ZFHX3: variants seen among roughly 807,000 people sequenced by gnomAD.
The protein encoded by ZFHX3 is zinc finger homeobox protein 3.
ZFHX3 carries 42 observed loss-of-function variants against 279.1 expected under a neutral mutation model. The observed-to-expected ratio is 0.15, with a 90% CI of 0.12 to 0.19. The LOEUF (loss-of-function observed/expected upper bound fraction) is 0.19. Among genes scored for constraint, ZFHX3 ranks in the 10% least tolerant of loss-of-function variants. The pLI is 1.00. For missense variants in ZFHX3, 4,981 were observed against 4,754.0 expected (o/e 1.05, Z -1.40); for synonymous variants, 2,293 against 1,957.8 (o/e 1.17, Z -4.52).
intron 3 of ZFHX3, among the ~76,000 whole-genome samples, chr16:73,364,750 C>A (rs16971820): frequency 3.9e-5 from 6 of 152,262 alleles, no homozygotes; most frequent in South Asian, 2.1e-4. Flanking sequence ...AAGCACCCTG[C>A]GACCGTGTGG....
chr16:72,816,091 G>T (rs2036597985), intron 5 of ZFHX3, among the ~76,000 whole-genome samples: 1 of 152,142 alleles, frequency 6.6e-6, no homozygotes, highest in South Asian at 2.1e-4. Context: ...TAGAAAAAAA[G>T]ACTAGAAGAA....
intron 3 of ZFHX3, among the ~76,000 whole-genome samples, chr16:73,362,199 A>G (rs1235662691): frequency 6.6e-6 from 1 of 152,200 alleles, no homozygotes; most frequent in African/African-American, 2.4e-5. Flanking sequence ...GAATATTTGT[A>G]TCTGGGGAGA....
At chr16:73,143,655 T>C in intron 6 of ZFHX3, 1 of 870,708 alleles carries the variant, frequency 1.1e-6, no homozygotes, top group Non-Finnish European at 1.7e-6. Flanking sequence ...TTGGTTTTGT[T>C]TGGTGTCCTT....
intron 3 of ZFHX3, among the ~76,000 whole-genome samples, chr16:73,439,909 C>CAAAAAAAAAAAAAAAAAAAAAAAA (rs71156164): frequency 1.3e-5 from 1 of 75,446 alleles, no homozygotes; most frequent in Non-Finnish European, 2.2e-5. Context: ...GGGAGAGGGA[C>CAAAAAAAAAAAAAAAAAAAAAAAA]AAAAAAAAAA....
rs971886945 is a variant in ZFHX3, at chr16:73,449,814, C to T, written c.-1291+6189G>A. The stretch of plus-strand genomic sequence containing the variant: ...TACTGAAGCATGAAGTTAAAGTAAT[C>T]GATCTAGAAAAAGGTTTTCTCCATT... On this transcript the variant is annotated intron_variant, in intron 3 of 17. Transcript: ENST00000641206. Among the ~76,000 whole-genome samples the T allele has an allele frequency of 5.9e-5, 9 of 152,094 alleles. No individual in the cohort carries two copies. The South Asian group carries it at 1.2e-3, about 21-fold the overall frequency.
At chr16:73,822,013 T>G (rs114311617) in intron 1 of ZFHX3, among the ~76,000 whole-genome samples, 4,755 of 152,234 alleles carry the variant, frequency 0.031, 206 homozygotes, top group African/African-American at 0.11. Flanking sequence ...TTGAGCACAG[T>G]TGAGGCACTG....
intron 5 of ZFHX3, among the ~76,000 whole-genome samples, chr16:73,234,507 A>G (rs2144935086): frequency 6.6e-6 from 1 of 152,330 alleles, no homozygotes; most frequent in African/African-American, 2.4e-5. Flanking sequence ...ATGAAAACAA[A>G]TGATCCTCTT....
chr16:73,607,326 C>T (rs980993686), intron 2 of ZFHX3, among the ~76,000 whole-genome samples: 6 of 152,172 alleles, frequency 3.9e-5, no homozygotes, highest in Non-Finnish European at 7.4e-5. Flanking sequence ...CATGCCCAGC[C>T]GATCTCATTC....
chr16:73,631,991 T>C (rs1258049578), intron 2 of ZFHX3, among the ~76,000 whole-genome samples: 1 of 151,298 alleles, frequency 6.6e-6, no homozygotes, highest in African/African-American at 2.4e-5. Flanking sequence ...ATAAGTAACA[T>C]TTATTTTAAA....
intron 1 of ZFHX3, among the ~76,000 whole-genome samples, chr16:72,999,926 G>A (rs538101484): frequency 2.0e-5 from 3 of 152,292 alleles, no homozygotes; most frequent in African/African-American, 4.8e-5. Flanking sequence ...AGGGCAACCC[G>A]GGGAAAATGG....
intron 3 of ZFHX3, among the ~76,000 whole-genome samples, chr16:72,912,658 T>C (rs999720345): frequency 3.3e-5 from 5 of 152,070 alleles, no homozygotes; most frequent in Admixed American, 1.3e-4. Context: ...TAGGAGCGAA[T>C]GGGGAGCAGG....
At chr16:73,845,235 C>T (rs575390987) in intron 1 of ZFHX3, among the ~76,000 whole-genome samples, 5 of 152,192 alleles carry the variant, frequency 3.3e-5, no homozygotes, top group African/African-American at 1.2e-4. Flanking sequence ...GATTCAGAGG[C>T]GATTTGAGAG....
intron 7 of ZFHX3, among the ~76,000 whole-genome samples, chr16:73,114,462 G>A (rs1567392155): frequency 6.6e-6 from 1 of 151,978 alleles, no homozygotes; most frequent in Non-Finnish European, 1.5e-5. Flanking sequence ...GATCACTTGA[G>A]GCCAGGAGTT....
chr16:73,409,226 G>C (rs1328980000), intron 3 of ZFHX3, among the ~76,000 whole-genome samples: 1 of 152,168 alleles, frequency 6.6e-6, no homozygotes. Flanking sequence ...ACCTTTAAAA[G>C]CTTAGGGTTC....
intron 8 of ZFHX3, among the ~76,000 whole-genome samples, chr16:73,091,250 A>T (rs1219092940): frequency 2.7e-5 from 4 of 150,226 alleles, no homozygotes; most frequent in African/African-American, 9.8e-5. Context: ...AAAAAAAAGC[A>T]GTAAAGACCA....
intron 2 of ZFHX3, among the ~76,000 whole-genome samples, chr16:73,646,371 A>T (rs1191329009): frequency 6.6e-6 from 1 of 152,206 alleles, no homozygotes; most frequent in Non-Finnish European, 1.5e-5. Flanking sequence ...TGATACACAG[A>T]TCAAAATTTA....
At chr16:72,801,001 C>T (rs956676466) in intron 7 of ZFHX3, among the ~76,000 whole-genome samples, 11 of 152,220 alleles carry the variant, frequency 7.2e-5, no homozygotes, top group Non-Finnish European at 1.5e-4. Context: ...AGAAGCCTGT[C>T]CAAACAAGTT....
intron 3 of ZFHX3, among the ~76,000 whole-genome samples, chr16:73,384,552 C>T (rs763108616): frequency 2.0e-5 from 3 of 152,222 alleles, no homozygotes; most frequent in African/African-American, 4.8e-5. Context: ...AGTACCAATC[C>T]TGTACACAGC....
At chr16:73,760,298 C>T (rs1033407041) in intron 1 of ZFHX3, among the ~76,000 whole-genome samples, 10 of 151,998 alleles carry the variant, frequency 6.6e-5, no homozygotes, top group African/African-American at 1.4e-4. Context: ...AGTAATAAAT[C>T]GCCTACCAAT....
Sources: allele counts gnomAD v4.1 joint callset (sites outside exome capture counted in the v4.1 genomes callset), GRCh38; gene constraint gnomAD v4.1.1; transcripts MANE v1.5; gene names NCBI Gene and HGNC (gene_info 2026-07-23, HGNC 2026-07-21).